ANO2: variants seen among roughly 807,000 people sequenced by gnomAD.
The protein encoded by ANO2 is anoctamin 2, also known as anoctamin-2.
A neutral mutation model predicts 124.2 loss-of-function variants in ANO2; 101 were observed. The observed-to-expected ratio is 0.81, with a 90% CI of 0.69 to 0.96. The LOEUF is 0.96. Among genes scored for constraint, ANO2 ranks in the 40% least tolerant of loss-of-function variants. ANO2 has a pLI of 0.00. For synonymous variants in ANO2, 486 were observed against 482.5 expected, an observed-to-expected ratio of 1.01 and a Z score of -0.09; for missense variants, 1,293 against 1,274.5, an observed-to-expected ratio of 1.01 and a Z score of -0.22.
chr12:5,607,751 G>A (rs1192194302), intron 19 of ANO2, among the ~76,000 whole-genome samples: 1 of 152,170 alleles, frequency 6.6e-6, no homozygotes. Context: ...GCATGCGAGG[G>A]ATCTAGGTTG....
At chr12:5,718,798 T>G (rs1000901772) in intron 14 of ANO2, among the ~76,000 whole-genome samples, 1 of 152,188 alleles carries the variant, frequency 6.6e-6, no homozygotes, top group African/African-American at 2.4e-5. Context: ...CTCTATGTGC[T>G]TCATGCAGTG....
intron 14 of ANO2, among the ~76,000 whole-genome samples, chr12:5,702,976 G>A (rs1187196464): frequency 1.3e-5 from 2 of 152,158 alleles, no homozygotes; most frequent in Non-Finnish European, 2.9e-5. Flanking sequence ...AAATATGTGT[G>A]TACTCCATGA....
intron 10 of ANO2, among the ~76,000 whole-genome samples, chr12:5,793,853 T>C (rs1291035703): frequency 6.6e-6 from 1 of 152,162 alleles, no homozygotes; most frequent in African/African-American, 2.4e-5. Flanking sequence ...CAACTCCTGT[T>C]TCCATTGGTC....
Position 5,575,827 on chromosome 12 carries a change from A to C in ANO2, c.2621+7T>G, listed in dbSNP as rs371486371. 7 of 1,612,924 alleles carry C rather than the reference A, an allele frequency of 4.3e-6. No homozygotes were observed. In the African/African-American group the frequency reaches 6.7e-5, roughly 15 times the overall value. ...CTCTGCTGCCCTTCTCCTGAAGATT[A>C]CTTTACCTGCAGAACTGAACCTCCT... On this transcript the variant is annotated splice_region_variant and intron_variant, in intron 23 of 24. Transcript: ENST00000682330.
intron 1 of ANO2, among the ~76,000 whole-genome samples, chr12:5,927,914 G>C (rs1274196861): frequency 2.6e-5 from 4 of 152,206 alleles, no homozygotes; most frequent in Non-Finnish European, 5.9e-5. Context: ...TCTGAACAGG[G>C]GGGAGGGGCA....
At chr12:5,581,540 C>T (rs1942757660) in intron 20 of ANO2, among the ~76,000 whole-genome samples, 1 of 152,200 alleles carries the variant, frequency 6.6e-6, no homozygotes, top group South Asian at 2.1e-4. Context: ...TAGGGCTTCC[C>T]TGCTGGTTTG....
At chr12:5,701,508 C>A (rs1256946347) in intron 14 of ANO2, among the ~76,000 whole-genome samples, 2 of 152,128 alleles carry the variant, frequency 1.3e-5, no homozygotes, top group African/African-American at 4.8e-5. Flanking sequence ...CTGTCCCCTC[C>A]TTCATTCAAG....
intron 16 of ANO2, among the ~76,000 whole-genome samples, chr12:5,625,838 T>C: frequency 6.6e-6 from 1 of 152,154 alleles, no homozygotes. Flanking sequence ...AGGGGGACTC[T>C]GGGCTGGAAG....
intron 14 of ANO2, among the ~76,000 whole-genome samples, chr12:5,698,535 G>A (rs967799654): frequency 1.3e-5 from 2 of 152,210 alleles, no homozygotes; most frequent in Non-Finnish European, 2.9e-5. Context: ...AAAAATCAGA[G>A]TACCTCTTCT....
intron 3 of ANO2, 22 bp downstream of exon 3, chr12:5,921,018 C>A (rs1478509691): frequency 6.3e-7 from 1 of 1,589,578 alleles, no homozygotes; most frequent in Non-Finnish European, 8.6e-7. Context: ...TCTCCAAGTC[C>A]CTGGCCACCC....
At chr12:5,755,557 C>A (rs1447548836) in intron 10 of ANO2, among the ~76,000 whole-genome samples, 1 of 152,006 alleles carries the variant, frequency 6.6e-6, no homozygotes, top group Non-Finnish European at 1.5e-5. Flanking sequence ...CCTCCCCCCT[C>A]TCCCCACCCC....
chr12:5,850,284 C>T (rs954102002), intron 4 of ANO2, among the ~76,000 whole-genome samples: 17 of 151,828 alleles, frequency 1.1e-4, no homozygotes, highest in African/African-American at 2.4e-4. Flanking sequence ...GGCGTGGTGG[C>T]GCGTACTTAT....
chr12:5,927,840 A>C (rs1023589503), intron 1 of ANO2, among the ~76,000 whole-genome samples: 1 of 152,210 alleles, frequency 6.6e-6, no homozygotes, highest in Non-Finnish European at 1.5e-5. Flanking sequence ...ATAATGCTAT[A>C]TCCCCAGACA....
rs373747618 is a variant in ANO2 at position 5,854,106 on chromosome 12, G to A, written c.570C>T (p.His190=). 6.8e-5 allele frequency: 109 copies of A among 1,613,130 alleles called. No homozygotes were observed. Among genetic ancestry groups the A allele is most frequent in the Non-Finnish European group, 8.0e-5 (94 of 1,179,440 alleles). Residue 190 remains histidine, a synonymous_variant, in exon 4 of 25, where the codon CAC becomes CAT. Transcript: ENST00000682330. ...KSQGSIFVRI[H]APWQVLAREA... ...CTCTGGCCAGCACCTGCCACGGGGC[G>A]TGTATCCGGACAAAGATGGATCCCT...
intron 14 of ANO2, among the ~76,000 whole-genome samples, chr12:5,683,482 A>T (rs1368807761): frequency 6.6e-6 from 1 of 152,086 alleles, no homozygotes; most frequent in Non-Finnish European, 1.5e-5. Context: ...AGCAAACAAC[A>T]GATTTAAATA....
chr12:5,831,369 C>T (rs1464447193), intron 5 of ANO2, among the ~76,000 whole-genome samples: 3 of 152,056 alleles, frequency 2.0e-5, no homozygotes, highest in African/African-American at 7.3e-5. Context: ...AGAAGTAAAA[C>T]GAACGGAGGT....
intron 3 of ANO2, among the ~76,000 whole-genome samples, chr12:5,897,810 AG>A (rs2136278349): frequency 6.6e-6 from 1 of 152,340 alleles, no homozygotes; most frequent in African/African-American, 2.4e-5. Flanking sequence ...ATGTTATGGA[AG>A]ATAACAAAGA....
intron 20 of ANO2, among the ~76,000 whole-genome samples, chr12:5,597,410 T>C (rs1943716534): frequency 1.3e-5 from 2 of 152,228 alleles, no homozygotes; most frequent in South Asian, 4.1e-4. Context: ...CCATCCATGT[T>C]CCTTCAAAGA....
intron 4 of ANO2, chr12:5,851,957 C>T (rs1251695681): frequency 1.1e-5 from 8 of 741,820 alleles, no homozygotes; most frequent in Non-Finnish European, 1.7e-5. Flanking sequence ...TTTTGCTCAC[C>T]TCCTTTCCAA....
Sources: gnomAD v4.1 joint callset for allele counts (sites outside exome capture counted in the v4.1 genomes callset) on GRCh38, gnomAD v4.1.1 for gene constraint, MANE v1.5 for transcripts, NCBI Gene and HGNC (gene_info 2026-07-23, HGNC 2026-07-21) for gene names.